RAPGEF3: variants seen among roughly 807,000 people sequenced by gnomAD.
The protein encoded by RAPGEF3 is 9330170P05Rik.
A neutral mutation model predicts 129.8 loss-of-function variants in RAPGEF3; 103 were observed. The ratio of observed to expected loss-of-function variants is 0.79; its 90% confidence interval spans 0.68 to 0.93. The LOEUF (loss-of-function observed/expected upper bound fraction) is 0.93. Ranked by LOEUF, RAPGEF3 falls within the 40% of genes least tolerant of loss-of-function variation. RAPGEF3 has a pLI of 0.00. For synonymous variants in RAPGEF3, 436 were observed against 482.6 expected (o/e 0.90, Z 1.26); for missense variants, 1,117 against 1,207.4 (o/e 0.93, Z 1.11).
chr12:47,737,952 G>A (rs1479726057), intron 27 of RAPGEF3, 70 bp downstream of exon 27: 1 of 1,524,548 alleles, frequency 6.6e-7, no homozygotes, highest in Non-Finnish European at 9.1e-7. Context: ...CAAGTGCCTA[G>A]GATGTGCCAG....
chr12:47,756,314 G>T (rs956078177), intron 2 of RAPGEF3: 4 of 152,218 alleles, frequency 2.6e-5, no homozygotes, highest in Non-Finnish European at 4.4e-5. Context: ...GCTTCCACAA[G>T]CTGGGAAGGG....
chr12:47,750,441 G>C lies in RAPGEF3; in HGVS notation c.672-16C>G. The stretch of plus-strand genomic sequence containing the variant: ...CTGACCTGGGCTGCAGGGACAGGAG[G>C]AATGGGAGCACACTGTGAACTGTGG... On this transcript the variant is annotated splice_polypyrimidine_tract_variant and intron_variant, in intron 6 of 27. Coordinates refer to ENST00000449771, the MANE Select transcript of RAPGEF3 (RefSeq NM_001098531.4). The C allele has an allele frequency of 6.2e-7, 1 of 1,608,420 alleles. No individual in the cohort carries two copies. Among genetic ancestry groups the C allele is most frequent in the East Asian group, 2.2e-5 (1 of 44,656 alleles).
At chr12:47,740,240 C>T in intron 22 of RAPGEF3, 49 bp from the exon 23 acceptor site, 2 of 1,612,474 alleles carry the variant, frequency 1.2e-6, no homozygotes, top group Admixed American at 1.7e-5. Flanking sequence ...GGCCCAGCCC[C>T]ATCCAGCACT....
Position 47,750,314 on chromosome 12 carries a change from G to T in RAPGEF3, c.756+27C>A, listed in dbSNP as rs1941670369. On this transcript the variant is annotated intron_variant, in intron 7 of 27. Transcript: ENST00000449771. ...CAGGAAGAGAAGATGCCTGGTACGG[G>T]GCAGGGCTGGGAGGGGCAGGACTGA... 3 of 1,600,424 alleles carry T rather than the reference G, an allele frequency of 1.9e-6. No homozygotes were observed. In the African/African-American group the frequency reaches 4.0e-5, roughly 21 times the overall value.
intron 11 of RAPGEF3, 24 bp from the exon 12 acceptor site, chr12:47,748,566 G>A (rs1311763369): frequency 6.3e-7 from 1 of 1,587,598 alleles, no homozygotes; most frequent in South Asian, 1.1e-5. Flanking sequence ...CCAATCTTTG[G>A]CACTGGTGCC....
intron 16 of RAPGEF3, chr12:47,744,426 T>C: frequency 3.6e-6 from 1 of 277,308 alleles, no homozygotes; most frequent in Non-Finnish European, 6.9e-6. Flanking sequence ...GGCATTATTC[T>C]GAGGATCTAA....
intron 6 of RAPGEF3, among the ~76,000 whole-genome samples, chr12:47,750,632 A>G (rs1941688943): frequency 6.6e-6 from 1 of 152,154 alleles, no homozygotes. Flanking sequence ...AACCCTAAGG[A>G]GTGGTTCTAT....
intron 16 of RAPGEF3, 32 bp downstream of exon 16, chr12:47,746,828 G>A (rs753548196): frequency 6.4e-7 from 1 of 1,573,932 alleles, no homozygotes; most frequent in Non-Finnish European, 8.6e-7. Flanking sequence ...TCCAGGAGGA[G>A]CAGAGGAAAG....
rs375595265 is a variant in RAPGEF3, at chr12:47,736,707, G to A, written c.*860C>T. 1.6e-3 allele frequency: 248 copies of A among 152,608 alleles called. 3 individuals carry two copies. The highest frequency in any genetic ancestry group is 5.6e-3 in the African/African-American group (234 of 41,592). The allele number at this position is 152,608 out of a possible 1,614,324, so 9.5% of individuals were successfully genotyped here. A position where few individuals can be genotyped will look rare whatever the true frequency, so the allele number is the denominator to read the frequency against. ...CCCAGAAGCCTGGCCCAACAGGCCA[G>A]GACGAGCTCAAGTGTGGAAAAGCGG... is the stretch of plus-strand genomic sequence containing the variant. On this transcript the variant is annotated 3_prime_UTR_variant, in exon 28 of 28. Transcript: ENST00000449771.
rs1472507851 is a variant in RAPGEF3, at chr12:47,740,007, G to A, written c.2373+134C>T. 5.3e-5 allele frequency: 60 copies of A among 1,132,350 alleles called. No individual in the cohort carries two copies. In the East Asian group the frequency reaches 6.2e-4, roughly 12 times the overall value. 70.1% of individuals were successfully genotyped at this position (1,132,350 alleles called of 1,614,324 possible). A position where few individuals can be genotyped will look rare whatever the true frequency, so the allele number is the denominator to read the frequency against. On this transcript the variant is annotated intron_variant, in intron 23 of 27. Transcript: ENST00000449771. ...ACAGGCTGGAGCTAGGCCCTGGGCC[G>A]AGGTTGGGAACCCTGAAAGTGACAA... is the stretch of plus-strand genomic sequence containing the variant.
In RAPGEF3 at chr12:47,737,250, G is replaced by C. The variant is rs372585446; in HGVS notation, c.*317C>G. ...AAAGCCAGAGGCACAGAATCTGGAA[G>C]ACATCTGGTGTGGAGACCTCTCTAT... On this transcript the variant is annotated 3_prime_UTR_variant, in exon 28 of 28. Coordinates refer to ENST00000449771, the MANE Select transcript of RAPGEF3 (RefSeq NM_001098531.4). 157 of 330,134 alleles carry C rather than the reference G, an allele frequency of 4.8e-4. 3 individuals carry two copies. In the South Asian group the frequency reaches 5.3e-3, roughly 11 times the overall value. 20.5% of individuals were successfully genotyped at this position (330,134 alleles called of 1,614,324 possible).
intron 16 of RAPGEF3, 132 bp downstream of exon 16, chr12:47,746,728 T>C: frequency 9.3e-7 from 1 of 1,078,024 alleles, no homozygotes; most frequent in East Asian, 2.6e-5. Context: ...CGTGAACACC[T>C]ATCAGAGACC....
Position 47,749,402 on chromosome 12 carries a change from GT to G in RAPGEF3, c.1028del (p.Asn343ThrfsTer46), listed in dbSNP as rs779984628. On this transcript the variant is annotated frameshift_variant, in exon 10 of 28. Transcript: ENST00000449771. LOFTEE classifies it high-confidence loss of function. This position sits in a 1 kb window ranked among gnomAD's most constrained non-coding sequence, Gnocchi z 4.5. The part of the protein sequence containing the change: ...HFLRVDKQDF[N>X]RIIKDVEAKT... ...CCAGCAGCAGCACCTTGATGATACG[GT>G]TGAAGTCCTGCTTGTCCACACGCAG... 5 of 1,612,560 alleles carry G rather than the reference GT, an allele frequency of 3.1e-6. No individual in the cohort carries two copies. Among genetic ancestry groups the G allele is most frequent in the Non-Finnish European group, 4.2e-6 (5 of 1,180,024 alleles).
Position 47,741,508 on chromosome 12 carries a change from C to T in RAPGEF3, c.1920G>A (p.Glu640=). The change falls in exon 19 of 28, where the codon GAG becomes GAA. Residue 640 remains glutamate, a synonymous_variant. Coordinates refer to ENST00000449771, the MANE Select transcript of RAPGEF3 (RefSeq NM_001098531.4). Reference sequence around the variant, plus strand: ...TGGCACCCTGCCTGGTCCCTACCAGCTCATGCACTTCCTGTGGGTTGACAA... The same window carrying T: ...TGGCACCCTGCCTGGTCCCTACCAGTTCATGCACTTCCTGTGGGTTGACAA... ...LFVVNPQEVH[E]LIPHPDQLGP... 1 of 1,613,852 alleles carries T rather than the reference C, an allele frequency of 6.2e-7. No homozygotes were observed. Among genetic ancestry groups the T allele is most frequent in the East Asian group, 2.2e-5 (1 of 44,882 alleles).
Position 47,744,405 on chromosome 12 carries a change from G to T in RAPGEF3, c.1597-337C>A, listed in dbSNP as rs987222668. ...CTTCCTTTTCCTCCAGCTACCATTT[G>T]CTACAAGCCAGGCATTATTCTGAGG... On this transcript the variant is annotated intron_variant, in intron 16 of 27. Transcript: ENST00000449771. 2.5e-5 allele frequency: 8 copies of T among 319,032 alleles called. No individual in the cohort carries two copies. In the South Asian group the frequency reaches 3.4e-4, roughly 13 times the overall value. The allele number at this position is 319,032 out of a possible 1,614,324, so 19.8% of individuals were successfully genotyped here. A position where few individuals can be genotyped will look rare whatever the true frequency, so the allele number is the denominator to read the frequency against.
Position 47,758,036 on chromosome 12 carries a change from C to T in RAPGEF3, c.49G>A (p.Val17Met), listed in dbSNP as rs755530927. Residue 17 changes from valine (V) to methionine (M), a missense_variant, in exon 2 of 28, where the codon GTG (valine) becomes ATG (methionine). By Grantham distance (21) the Val-to-Met change is conservative (BLOSUM62 1). Around this residue, in one of 3 missense-constraint regions of RAPGEF3, gnomAD observed 367 missense variants for 373.4 expected, o/e 0.98. Coordinates refer to ENST00000449771, the MANE Select transcript of RAPGEF3 (RefSeq NM_001098531.4). ...GESCWQVGLAVEDSPALGAPR... is the reference protein window; with the variant it reads ...GESCWQVGLAMEDSPALGAPR... Reference sequence around the variant, plus strand: ...GCTCCCAGAGCTGGGCTATCCTCCACAGCCAGGCCCACCTGCCAGCAGCTC... The same window carrying T: ...GCTCCCAGAGCTGGGCTATCCTCCATAGCCAGGCCCACCTGCCAGCAGCTC... 38 of 1,576,000 alleles carry T rather than the reference C, an allele frequency of 2.4e-5. No homozygotes were observed. In the Middle Eastern group the frequency reaches 5.2e-4, roughly 21 times the overall value.
rs373519972 is a variant in RAPGEF3, at chr12:47,751,672, C to T, written c.380+51G>A. 1,205 of 1,604,592 alleles carry T rather than the reference C, an allele frequency of 7.5e-4. 2 individuals are homozygous for T. The highest frequency in any genetic ancestry group is 3.0e-3 in the Middle Eastern group (18 of 6,034). ...CCCAGGTGCCTGACATAAAGTGGAA[C>T]GGAGAGAAAGCAGTGAGGCTGGGCA... On this transcript the variant is annotated intron_variant, in intron 4 of 27. Coordinates refer to ENST00000449771, the MANE Select transcript of RAPGEF3 (RefSeq NM_001098531.4).
At chr12:47,738,150 T>C (rs766344052) in intron 26 of RAPGEF3, 43 bp downstream of exon 26, 2 of 1,613,658 alleles carry the variant, frequency 1.2e-6, no homozygotes, top group African/African-American at 1.3e-5. Flanking sequence ...TCACAGAGGA[T>C]GTAGGGTGGG....
At chr12:47,739,266 A>T (rs780843175) in intron 23 of RAPGEF3, 36 bp from the exon 24 acceptor site, 2 of 1,504,780 alleles carry the variant, frequency 1.3e-6, no homozygotes, top group African/African-American at 1.4e-5. Flanking sequence ...GGTTGCACAC[A>T]CCATAAGCCA....
Sources: gnomAD v4.1 joint callset for allele counts (sites outside exome capture counted in the v4.1 genomes callset) on GRCh38, gnomAD v4.1.1 for gene constraint, gnomAD v4.1.1 regional missense constraint, Gnocchi (gnomAD v3.1) non-coding constraint, MANE v1.5 for transcripts, NCBI Gene and HGNC (gene_info 2026-07-23, HGNC 2026-07-21) for gene names.